POLD1: variants seen among roughly 807,000 people sequenced by gnomAD.
POLD1 encodes the protein DNA polymerase delta 1, catalytic subunit.
POLD1 carries 79 observed loss-of-function variants against 129.7 expected under a neutral mutation model. That is an observed-to-expected ratio of 0.61 (90% CI 0.51 to 0.73). The LOEUF (loss-of-function observed/expected upper bound fraction) is 0.73. Among genes scored for constraint, POLD1 ranks in the 30% least tolerant of loss-of-function variants. POLD1 has a pLI of 0.00. For missense variants in POLD1, 1,338 were observed against 1,595.8 expected, an observed-to-expected ratio of 0.84 and a Z score of 2.75; for synonymous variants, 714 against 683.3, an observed-to-expected ratio of 1.04 and a Z score of -0.70.
rs1601242668 is a variant in POLD1, at chr19:50,415,384, C to G, written c.2565-54C>G. 17 of 1,569,196 alleles carry G rather than the reference C, an allele frequency of 1.1e-5. No homozygotes were observed. In the East Asian group the frequency reaches 3.8e-4, roughly 35 times the overall value. ...TCCAGCCCTGAGACCCGTGGAGGCA[C>G]CAGCCTGGCCCTCAGTGCCTTTTGG... On this transcript the variant is annotated intron_variant, in intron 20 of 26. Coordinates refer to ENST00000440232, the MANE Select transcript of POLD1 (RefSeq NM_002691.4).
intron 1 of POLD1, among the ~76,000 whole-genome samples, chr19:50,392,916 C>CTT (rs1491583080): frequency 6.6e-6 from 1 of 152,234 alleles, no homozygotes; most frequent in African/African-American, 2.4e-5. Context: ...CCTTCCCTAT[C>CTT]AGTACACAAA....
Position 50,406,890 on chromosome 19 carries a change from C to A in POLD1, c.1495-93C>A. ...GCCCGCCTCACCTCCCAGGCCCTCCCCAGGCTACCTCACCCTGACCCCCAC... is the reference window on the plus strand; with the variant it reads ...GCCCGCCTCACCTCCCAGGCCCTCCACAGGCTACCTCACCCTGACCCCCAC... On this transcript the variant is annotated intron_variant, in intron 12 of 26. Transcript: ENST00000440232. The surrounding 1 kb of genome is among the most constrained non-coding windows in gnomAD (Gnocchi z 5.5). 3 of 1,094,126 alleles carry A rather than the reference C, an allele frequency of 2.7e-6. No homozygotes were observed. Among genetic ancestry groups the A allele is most frequent in the Non-Finnish European group, 1.3e-6 (1 of 762,032 alleles). The allele number at this position is 1,094,126 out of a possible 1,614,324, so 67.8% of individuals were successfully genotyped here. A position where few individuals can be genotyped will look rare whatever the true frequency, so the allele number is the denominator to read the frequency against.
In POLD1 at chr19:50,408,690, AT is replaced by A. The variant is rs751745933; in HGVS notation, c.1776-83del. The A allele has an allele frequency of 0.067, 59,110 of 886,536 alleles. 3 individuals are homozygous for A. The highest frequency in any genetic ancestry group is 0.11 in the South Asian group (4,655 of 44,126). The allele number at this position is 886,536 out of a possible 1,614,324, so 54.9% of individuals were successfully genotyped here. A position where few individuals can be genotyped will look rare whatever the true frequency, so the allele number is the denominator to read the frequency against. ...GAGCACTGCTCCCAGCCAATGAATG[AT>A]TTTTTTTTTTTAAAGGGTGAGGCCA... On this transcript the variant is annotated intron_variant, in intron 14 of 26. Transcript: ENST00000440232.
At chr19:50,395,876 C>CTTTTTTTTTTTTTTTT (rs774272686) in intron 1 of POLD1, among the ~76,000 whole-genome samples, 1 of 73,658 alleles carries the variant, frequency 1.4e-5, no homozygotes, top group African/African-American at 5.6e-5. Context: ...AGGATATATA[C>CTTTTTTTTTTTTTTTT]TTTTTTTTTT....
intron 1 of POLD1, among the ~76,000 whole-genome samples, chr19:50,397,904 A>T (rs540437566): frequency 1.3e-5 from 2 of 152,316 alleles, no homozygotes; most frequent in South Asian, 4.1e-4. Context: ...AGTCAGTGTT[A>T]AATGTCCTAG....
At chr19:50,384,669 C>T (rs2123687852) in intron 1 of POLD1, among the ~76,000 whole-genome samples, 1 of 152,198 alleles carries the variant, frequency 6.6e-6, no homozygotes, top group East Asian at 1.9e-4. Context: ...CTGGGTGGTG[C>T]ACGTGCGGGC....
intron 1 of POLD1, among the ~76,000 whole-genome samples, chr19:50,394,520 T>A (rs1365427106): frequency 6.6e-6 from 1 of 151,858 alleles, no homozygotes; most frequent in Non-Finnish European, 1.5e-5. Context: ...GCGGGTATGA[T>A]GGTGGACGCC....
intron 3 of POLD1, 48 bp from the exon 4 acceptor site, chr19:50,401,730 G>A (rs1386389619): frequency 8.1e-6 from 13 of 1,601,832 alleles, no homozygotes; most frequent in Non-Finnish European, 1.1e-5. Context: ...GACACACCTT[G>A]GAGGACCCTG....
chr19:50,415,703 C>G (rs1197392330), intron 21 of POLD1, 21 bp from the exon 22 acceptor site: 1 of 1,528,502 alleles, frequency 6.5e-7, no homozygotes, highest in Non-Finnish European at 8.8e-7. Flanking sequence ...CTCACCCACC[C>G]GCCACCCCAT....
Position 50,406,187 on chromosome 19 carries a change from A to G in POLD1, c.1248A>G (p.Gln416=), listed in dbSNP as rs765116449. 4 of 1,613,182 alleles carry G rather than the reference A, an allele frequency of 2.5e-6. No individual in the cohort carries two copies. In the Admixed American group the frequency reaches 5.0e-5, roughly 20 times the overall value. The part of the protein sequence containing the change: ...LISRAQTLKV[Q]TFPFLGRVAG... Reference sequence around the variant, plus strand: ...ACCCTGCCTCTCCTCCTCAGGTACAAACATTCCCTTTCCTGGGCCGTGTGG... The same window carrying G: ...ACCCTGCCTCTCCTCCTCAGGTACAGACATTCCCTTTCCTGGGCCGTGTGG... The change falls in exon 11 of 27, where the codon CAA becomes CAG. Residue 416 remains glutamine, a synonymous_variant. Coordinates refer to ENST00000440232, the MANE Select transcript of POLD1 (RefSeq NM_002691.4). The surrounding 1 kb of genome is among the most constrained non-coding windows in gnomAD (Gnocchi z 5.5).
intron 1 of POLD1, among the ~76,000 whole-genome samples, chr19:50,384,761 C>T (rs1036585174): frequency 6.6e-6 from 1 of 152,170 alleles, no homozygotes; most frequent in Non-Finnish European, 1.5e-5. Flanking sequence ...TCAGAGAAGT[C>T]CCTGTCTCGG....
chr19:50,415,696 A>AC, intron 21 of POLD1, 28 bp from the exon 22 acceptor site: 1 of 953,958 alleles, frequency 1.0e-6, no homozygotes, highest in Non-Finnish European at 1.3e-6. Context: ...ACCTGCCCTC[A>AC]CCCACCCGCC....
Position 50,413,733 on chromosome 19 carries a change from C to T in POLD1, c.2251-9C>T, listed in dbSNP as rs780184525. On this transcript the variant is annotated splice_polypyrimidine_tract_variant and intron_variant, in intron 18 of 26. Transcript: ENST00000440232. ...GCTTCTCACATACACACATCCCCAC[C>T]GCCCGCAGGTGGTGTATGGTGACAC... is the stretch of plus-strand genomic sequence containing the variant. The T allele has an allele frequency of 1.3e-5, 20 of 1,591,032 alleles. No homozygotes were observed. Among genetic ancestry groups the T allele is most frequent in the Middle Eastern group, 1.7e-4 (1 of 5,966 alleles).
chr19:50,415,799 G>C lies in POLD1; in HGVS notation c.2793G>C (p.Lys931Asn), dbSNP rs2039265074. 6.4e-7 allele frequency: 1 copy of C among 1,551,992 alleles called. No individual in the cohort carries two copies. The highest frequency in any genetic ancestry group is 1.2e-5 in the South Asian group (1 of 83,600). ...RVPYVIISAA[K>N]GVAAYMKSED... ...CCTACGTGATCATCAGTGCCGCCAA[G>C]GGTGTGGCCGCCTACATGAAGTCGG... Residue 931 changes from lysine to asparagine, a missense_variant, in exon 22 of 27, where the codon AAG (lysine) becomes AAC (asparagine). Lys to Asn is a moderately conservative substitution (Grantham distance 94). Coordinates refer to ENST00000440232, the MANE Select transcript of POLD1 (RefSeq NM_002691.4).
In POLD1 at chr19:50,416,381, G is replaced by T; in HGVS notation, c.2821-15G>T. 2 of 1,547,962 alleles carry T rather than the reference G, an allele frequency of 1.3e-6. No individual in the cohort carries two copies. Among genetic ancestry groups the T allele is most frequent in the Non-Finnish European group, 1.7e-6 (2 of 1,146,720 alleles). Reference sequence around the variant, plus strand: ...TTTCCCTGGCTGCCCGGGTGTGACTGCCATGTGGCCGCAGGACCCGCTGTT... The same window carrying T: ...TTTCCCTGGCTGCCCGGGTGTGACTTCCATGTGGCCGCAGGACCCGCTGTT... On this transcript the variant is annotated splice_polypyrimidine_tract_variant and intron_variant, in intron 22 of 26. Coordinates refer to ENST00000440232, the MANE Select transcript of POLD1 (RefSeq NM_002691.4).
In POLD1 at chr19:50,409,498, T is replaced by C. The variant is rs747823704; in HGVS notation, c.2007-21T>C. 6.2e-7 allele frequency: 1 copy of C among 1,613,476 alleles called. No homozygotes were observed. Among genetic ancestry groups the C allele is most frequent in the Non-Finnish European group, 8.5e-7 (1 of 1,180,014 alleles). On this transcript the variant is annotated intron_variant, in intron 16 of 26. Transcript: ENST00000440232. The surrounding 1 kb of genome is among the most constrained non-coding windows in gnomAD (Gnocchi z 5.8). ...ATGCCCAGGTGCCGCCTGAGTGTGCTTTCCCCGTGTTCCCTCGCAGGGCCA... is the reference window on the plus strand; with the variant it reads ...ATGCCCAGGTGCCGCCTGAGTGTGCCTTCCCCGTGTTCCCTCGCAGGGCCA...
intron 1 of POLD1, among the ~76,000 whole-genome samples, chr19:50,396,083 G>A (rs1469615490): frequency 2.3e-5 from 3 of 133,004 alleles, no homozygotes; most frequent in East Asian, 4.2e-4. Flanking sequence ...GTTGGTGGTG[G>A]TTTTTTTTTG....
rs187930085 is a variant in POLD1, at chr19:50,408,665, G to A, written c.1776-120G>A. 772 of 1,450,120 alleles carry A rather than the reference G, an allele frequency of 5.3e-4. 3 individuals are homozygous for A. In the African/African-American group the frequency reaches 8.3e-3, roughly 16 times the overall value. The allele number at this position is 1,450,120 out of a possible 1,614,324, so 89.8% of individuals were successfully genotyped here. On this transcript the variant is annotated intron_variant, in intron 14 of 26. Coordinates refer to ENST00000440232, the MANE Select transcript of POLD1 (RefSeq NM_002691.4). ...CCCAATGTGCTGGGATTGCAGGAGC[G>A]AGCACTGCTCCCAGCCAATGAATGA...
At chr19:50,414,283 C>T (rs1014087579) in intron 19 of POLD1, among the ~76,000 whole-genome samples, 3 of 152,262 alleles carry the variant, frequency 2.0e-5, no homozygotes, top group African/African-American at 7.2e-5. Flanking sequence ...GTCTGGGTCT[C>T]GCTCTGTCGC....
Sources: allele counts gnomAD v4.1 joint callset (sites outside exome capture counted in the v4.1 genomes callset), GRCh38; gene constraint gnomAD v4.1.1; non-coding constraint Gnocchi (gnomAD v3.1); transcripts MANE v1.5; gene names NCBI Gene and HGNC (gene_info 2026-07-23, HGNC 2026-07-21).